Variants in CORIN observed in about 807,000 individuals in gnomAD.
The protein encoded by CORIN is atrial natriuretic peptide-converting enzyme.
CORIN carries 117 observed loss-of-function variants against 125.3 expected under a neutral mutation model. That is an observed-to-expected ratio of 0.93 (90% CI 0.80 to 1.09). The LOEUF (loss-of-function observed/expected upper bound fraction) is 1.09. Ranked by LOEUF, CORIN falls within the 50% of genes least tolerant of loss-of-function variation. CORIN has a pLI of 0.00. For missense variants in CORIN, 1,253 were observed against 1,306.7 expected, an observed-to-expected ratio of 0.96 and a Z score of 0.63; for synonymous variants, 450 against 466.4, an observed-to-expected ratio of 0.96 and a Z score of 0.45.
chr4:47,661,655 T>C, intron 12 of CORIN, 56 bp downstream of exon 12: 3 of 1,453,324 alleles, frequency 2.1e-6, no homozygotes, highest in South Asian at 1.4e-5. Context: ...ATTCAAAAGG[T>C]AGCTAACATG....
chr4:47,770,752 T>G (rs1258550943), intron 3 of CORIN, among the ~76,000 whole-genome samples: 1 of 152,154 alleles, frequency 6.6e-6, no homozygotes, highest in Non-Finnish European at 1.5e-5. Flanking sequence ...GAGAACATTA[T>G]GTTAAGTGAA....
intron 2 of CORIN, among the ~76,000 whole-genome samples, chr4:47,799,523 G>A (rs1161393176): frequency 2.6e-5 from 4 of 152,000 alleles, no homozygotes; most frequent in Non-Finnish European, 4.4e-5. Context: ...GTGATGTTGA[G>A]CATTTTTTCA....
At position 47,753,638 on chromosome 4, in the gene CORIN, G is replaced by A. The variant is rs7696672; in HGVS notation, c.618-9055C>T. ...TGATATCTTTCCTACTTGCACATCC[G>A]TTTATAGGCTCTCTGCAAGAAGAAA... On this transcript the variant is annotated intron_variant, in intron 4 of 21. Transcript: ENST00000273857. 1.9e-3 allele frequency among the ~76,000 whole-genome samples: 294 copies of A among 152,156 alleles called. 2 individuals are homozygous for A. The highest frequency in any genetic ancestry group is 6.4e-3 in the African/African-American group (264 of 41,520).
chr4:47,622,298 C>T (rs974955977), intron 19 of CORIN, among the ~76,000 whole-genome samples: 88 of 150,740 alleles, frequency 5.8e-4, no homozygotes, highest in Non-Finnish European at 8.0e-4. Flanking sequence ...TGAATAATGC[C>T]GCAATAAACA....
intron 4 of CORIN, among the ~76,000 whole-genome samples, chr4:47,745,163 C>A (rs1384888294): frequency 6.6e-6 from 1 of 152,118 alleles, no homozygotes; most frequent in Non-Finnish European, 1.5e-5. Flanking sequence ...AAAAAATGCA[C>A]ACAATTGTCT....
intron 12 of CORIN, among the ~76,000 whole-genome samples, chr4:47,657,837 C>T (rs1724066383): frequency 6.6e-6 from 1 of 152,106 alleles, no homozygotes; most frequent in Non-Finnish European, 1.5e-5. Flanking sequence ...ATCCAAACAC[C>T]TCCCACCAGA....
chr4:47,836,925 C>T (rs770675272), intron 1 of CORIN, among the ~76,000 whole-genome samples: 1 of 152,238 alleles, frequency 6.6e-6, no homozygotes, highest in Non-Finnish European at 1.5e-5. Flanking sequence ...GTCCCCGATT[C>T]GGAGCAGCTG....
intron 19 of CORIN, among the ~76,000 whole-genome samples, chr4:47,610,039 A>G (rs1181175680): frequency 3.9e-5 from 6 of 152,186 alleles, no homozygotes; most frequent in Non-Finnish European, 8.8e-5. Flanking sequence ...TGTCATTGCT[A>G]TTGTGAATAG....
At chr4:47,645,504 A>G (rs1478536713) in intron 13 of CORIN, among the ~76,000 whole-genome samples, 1 of 152,062 alleles carries the variant, frequency 6.6e-6, no homozygotes, top group Admixed American at 6.5e-5. Context: ...TGACCTCTGC[A>G]TACCATGAAT....
At chr4:47,623,117 T>TATATATATATACAC (rs141525347) in intron 19 of CORIN, among the ~76,000 whole-genome samples, 197 of 134,484 alleles carry the variant, frequency 1.5e-3, no homozygotes, top group African/African-American at 5.6e-3. Flanking sequence ...TATATATATA[T>TATATATATATACAC]ACACACACAC....
intron 12 of CORIN, among the ~76,000 whole-genome samples, chr4:47,659,544 C>A (rs1189550586): frequency 6.6e-6 from 1 of 152,176 alleles, no homozygotes; most frequent in Non-Finnish European, 1.5e-5. Context: ...GTAGGCACAT[C>A]ACATGGTAAA....
intron 5 of CORIN, among the ~76,000 whole-genome samples, chr4:47,730,212 C>T (rs939423778): frequency 2.0e-5 from 3 of 152,068 alleles, no homozygotes; most frequent in Non-Finnish European, 4.4e-5. Context: ...CGGTGGCTCA[C>T]GCCTGTAATC....
At chr4:47,666,726 G>C (rs1260953643) in intron 10 of CORIN, among the ~76,000 whole-genome samples, 1 of 152,180 alleles carries the variant, frequency 6.6e-6, no homozygotes, top group Non-Finnish European at 1.5e-5. Flanking sequence ...GGAAACGCAA[G>C]AGGGCAACTG....
At chr4:47,673,179 AAAATAAATAAATAAATAAATAAAT>A (rs66990449) in intron 10 of CORIN, among the ~76,000 whole-genome samples, 17 of 142,738 alleles carry the variant, frequency 1.2e-4, no homozygotes, top group East Asian at 2.1e-4. Flanking sequence ...TCTTTACCAA[AAAATAAATAAATAAATAAATAAAT>A]AAATAAATAA....
chr4:47,801,083 C>A (rs1238724032), intron 2 of CORIN, among the ~76,000 whole-genome samples: 1 of 152,178 alleles, frequency 6.6e-6, no homozygotes, highest in Non-Finnish European at 1.5e-5. Flanking sequence ...ATTTTAAAGT[C>A]AGTGCTGCTC....
chr4:47,797,011 G>A (rs1731316778), intron 2 of CORIN, among the ~76,000 whole-genome samples: 1 of 151,836 alleles, frequency 6.6e-6, no homozygotes, highest in Non-Finnish European at 1.5e-5. Flanking sequence ...CCCTCACTGT[G>A]GAGTCCCTGA....
chr4:47,775,709 G>A (rs1337738761), intron 3 of CORIN, among the ~76,000 whole-genome samples: 1 of 152,136 alleles, frequency 6.6e-6, no homozygotes, highest in Non-Finnish European at 1.5e-5. Flanking sequence ...CACCTGTAGG[G>A]CCAACTCTAC....
intron 10 of CORIN, among the ~76,000 whole-genome samples, chr4:47,669,632 G>A (rs907727865): frequency 7.3e-5 from 11 of 149,898 alleles, no homozygotes; most frequent in Admixed American, 3.3e-4. Flanking sequence ...GCAGTGGCAC[G>A]ATCTGGGCTC....
chr4:47,791,379 C>T (rs1731071489), intron 2 of CORIN, among the ~76,000 whole-genome samples: 1 of 152,110 alleles, frequency 6.6e-6, no homozygotes, highest in Admixed American at 6.5e-5. Context: ...CTAAATTTTG[C>T]CCAGTGAGAC....
Sources: allele counts gnomAD v4.1 joint callset (sites outside exome capture counted in the v4.1 genomes callset), GRCh38; gene constraint gnomAD v4.1.1; transcripts MANE v1.5; gene names NCBI Gene and HGNC (gene_info 2026-07-23, HGNC 2026-07-21).